CAST: variants seen among roughly 807,000 people sequenced by gnomAD.
The protein encoded by CAST is calpastatin, also known as MIR583 host.
In CAST, 76 loss-of-function variants were observed where a neutral mutation model predicts 119.6. The observed-to-expected ratio is 0.64, with a 90% CI of 0.53 to 0.77. The LOEUF (loss-of-function observed/expected upper bound fraction) is 0.77, where lower values mean the gene tolerates loss of function less well. Among genes scored for constraint, CAST ranks in the 30% least tolerant of loss-of-function variants. The pLI is 0.00. For synonymous variants in CAST, 319 were observed against 331.6 expected (o/e 0.96, Z 0.41); for missense variants, 953 against 946.5 (o/e 1.01, Z -0.09).
At chr5:96,291,596 C>G in the CAST span, among the ~76,000 whole-genome samples, 1 of 152,070 alleles carries the variant, frequency 6.6e-6, no homozygotes, top group East Asian at 1.9e-4. Context: ...TTAACTCATT[C>G]ATTTCTCTCT....
At position 96,729,665 on chromosome 5, in the gene CAST, TA is replaced by T; in HGVS notation, c.495del (p.Ala166GlnfsTer24). ...ATACAGGAAGTAACGATGCTCACAA[TA>T]AAAAAGCAGTTTCCAGATCAGCTGA... is the stretch of plus-strand genomic sequence containing the variant. Reference protein sequence around the residue: ...SDTGSNDAHNKKAVSRSAEQQ... With the variant: ...SDTGSNDAHNXKAVSRSAEQQ... On this transcript the variant is annotated frameshift_variant, in exon 8 of 32. Transcript: ENST00000675179. LOFTEE classifies it high-confidence loss of function. 1 of 1,606,690 alleles carries T rather than the reference TA, an allele frequency of 6.2e-7. No homozygotes were observed. The highest frequency in any genetic ancestry group is 8.5e-7 in the Non-Finnish European group (1 of 1,173,340).
chr5:96,431,953 T>A, the CAST span: 1 of 711,784 alleles, frequency 1.4e-6, no homozygotes, highest in Non-Finnish European at 2.5e-6. Flanking sequence ...CCCCTCGGAA[T>A]CGCTCAGCTA....
At chr5:96,103,639 T>G in the CAST span, among the ~76,000 whole-genome samples, 2 of 152,054 alleles carry the variant, frequency 1.3e-5, no homozygotes, top group East Asian at 3.9e-4. Context: ...TTTGCTATTG[T>G]GAATAATGCC....
At chr5:96,603,686 T>C (rs1300037994) in intron 1 of CAST, among the ~76,000 whole-genome samples, 5 of 151,372 alleles carry the variant, frequency 3.3e-5, no homozygotes, top group Non-Finnish European at 5.9e-5. Context: ...AAGTATAATA[T>C]AGCAAATACA....
At chr5:96,386,673 A>C in the CAST span, among the ~76,000 whole-genome samples, 1 of 152,242 alleles carries the variant, frequency 6.6e-6, no homozygotes, top group Non-Finnish European at 1.5e-5. Flanking sequence ...TTTCTACAGA[A>C]ACCATACTTT....
intron 2 of CAST, 179 bp downstream of exon 2, chr5:96,675,780 A>T (rs926482473): frequency 7.4e-6 from 4 of 543,348 alleles, no homozygotes; most frequent in Non-Finnish European, 1.3e-5. Context: ...AAATAAAAAA[A>T]ATTGTTCCTG....
intron 1 of CAST, among the ~76,000 whole-genome samples, chr5:96,673,875 A>T (rs1030913464): frequency 1.3e-5 from 2 of 152,232 alleles, no homozygotes; most frequent in South Asian, 4.1e-4. Flanking sequence ...ATGTATAGGT[A>T]AAAGAAGACC....
At chr5:96,118,015 C>T in the CAST span, among the ~76,000 whole-genome samples, 1 of 152,126 alleles carries the variant, frequency 6.6e-6, no homozygotes, top group African/African-American at 2.4e-5. Context: ...GTGTTCAGCA[C>T]CTTGGAACTT....
chr5:96,466,829 T>C, the CAST span, among the ~76,000 whole-genome samples: 2 of 152,258 alleles, frequency 1.3e-5, no homozygotes, highest in South Asian at 4.1e-4. Context: ...TGTGAATGTG[T>C]ATTTGTATTG....
chr5:96,625,043 G>T (rs1338113808), intron 1 of CAST, among the ~76,000 whole-genome samples: 1 of 152,072 alleles, frequency 6.6e-6, no homozygotes. Flanking sequence ...GCCTTATTTG[G>T]GTGTAAATAT....
chr5:96,281,828 C>A, the CAST span, among the ~76,000 whole-genome samples: 1 of 152,204 alleles, frequency 6.6e-6, no homozygotes, highest in East Asian at 1.9e-4. Context: ...TTTTATTCTA[C>A]GTATTGTGTA....
chr5:96,621,080 C>T (rs1386283249), intron 1 of CAST, among the ~76,000 whole-genome samples: 1 of 152,188 alleles, frequency 6.6e-6, no homozygotes, highest in Non-Finnish European at 1.5e-5. Context: ...CAAGTTCCCA[C>T]GTCTTCTACC....
chr5:96,691,202 T>C (rs1329535630), intron 2 of CAST, among the ~76,000 whole-genome samples: 3 of 152,200 alleles, frequency 2.0e-5, no homozygotes, highest in Non-Finnish European at 4.4e-5. Flanking sequence ...CACTGTTCCA[T>C]ATACAGAAAA....
chr5:96,105,902 G>A, the CAST span, among the ~76,000 whole-genome samples: 14 of 152,130 alleles, frequency 9.2e-5, no homozygotes, highest in South Asian at 2.1e-4. Flanking sequence ...GATTATTGCC[G>A]TAATTTCAGA....
At chr5:96,478,872 CT>C in the CAST span, among the ~76,000 whole-genome samples, 109 of 152,334 alleles carry the variant, frequency 7.2e-4, no homozygotes, top group African/African-American at 2.6e-3. Context: ...AAAAACTAGT[CT>C]TAGTCTCTTC....
At chr5:96,702,925 G>A in intron 3 of CAST, 5 of 985,640 alleles carry the variant, frequency 5.1e-6, no homozygotes, top group African/African-American at 3.5e-5. Flanking sequence ...AGTGAGTACT[G>A]TCTTCCGCCG....
chr5:96,048,405 G>A, the CAST span, among the ~76,000 whole-genome samples: 18 of 152,138 alleles, frequency 1.2e-4, no homozygotes, highest in African/African-American at 4.1e-4. Flanking sequence ...AATTTCAGAT[G>A]CAAAATAGGA....
the CAST span, chr5:96,398,905 A>C: frequency 6.2e-7 from 1 of 1,613,568 alleles, no homozygotes; most frequent in Non-Finnish European, 8.5e-7. Context: ...TGTGACATGA[A>C]GGTCTCCTCT....
At chr5:96,184,121 T>A in the CAST span, among the ~76,000 whole-genome samples, 1 of 152,194 alleles carries the variant, frequency 6.6e-6, no homozygotes, top group Non-Finnish European at 1.5e-5. Context: ...CCAGGATAGG[T>A]ACAGCCCAGA....
Sources: gnomAD v4.1 joint callset for allele counts (sites outside exome capture counted in the v4.1 genomes callset) on GRCh38, gnomAD v4.1.1 for gene constraint, MANE v1.5 for transcripts, NCBI Gene and HGNC (gene_info 2026-07-23, HGNC 2026-07-21) for gene names.